The following CDIN1 variants were observed in gnomAD, a reference collection of about 807,000 sequenced individuals.
CDIN1 encodes the protein CDAN1 interacting nuclease 1.
CDIN1 carries 33 observed loss-of-function variants against 45.3 expected under a neutral mutation model. The observed-to-expected ratio is 0.73, with a 90% CI of 0.55 to 0.97. The LOEUF (loss-of-function observed/expected upper bound fraction) is 0.97, where lower values mean the gene tolerates loss of function less well. CDIN1 is among the 50% of genes least tolerant of loss of function. The pLI, the probability that CDIN1 is intolerant of heterozygous loss-of-function variation, is 0.00. For synonymous variants in CDIN1, 118 were observed against 124.4 expected (o/e 0.95, Z 0.34); for missense variants, 303 against 339.4 (o/e 0.89, Z 0.84).
rs752594562 is a variant in CDIN1 at position 36,579,828 on chromosome 15, T to G, written c.-33T>G. The G allele has an allele frequency of 1.3e-5, 20 of 1,582,050 alleles. No individual in the cohort carries two copies. The African/African-American group carries it at 2.6e-4, about 20-fold the overall frequency. ...ACTTGAGCCCCAGGGTGTTTTTTCC[T>G]TGTTCCCGCCACCTCCTGGTCCCTG... On this transcript the variant is annotated 5_prime_UTR_variant, in exon 1 of 11. Coordinates refer to ENST00000566621, the MANE Select transcript of CDIN1 (RefSeq NM_001321759.2).
At chr15:36,750,816 A>G (rs1270181293) in intron 10 of CDIN1, among the ~76,000 whole-genome samples, 1 of 152,210 alleles carries the variant, frequency 6.6e-6, no homozygotes, top group South Asian at 2.1e-4. Context: ...TTATAACTCA[A>G]CTGCTGAAAA....
intron 5 of CDIN1, among the ~76,000 whole-genome samples, chr15:36,683,988 G>T (rs2041950799): frequency 7.0e-6 from 1 of 143,490 alleles, no homozygotes; most frequent in Admixed American, 7.3e-5. Context: ...AGACAATGGA[G>T]TTTTCTAGAT....
rs35140623 is a variant in CDIN1 at position 36,608,976 on chromosome 15, TATAGATAGATAGATAGATAG to T, written c.101+29039_101+29058del. ...CTGTGTGTGTGTATGTATGTGTGTA[TATAGATAGATAGATAGATAG>T]ATAGATAGATAGATAGATAGATAAT... On this transcript the variant is annotated intron_variant, in intron 1 of 10. Transcript: ENST00000566621. Among the ~76,000 whole-genome samples, 34 of 149,440 alleles carry T rather than the reference TATAGATAGATAGATAGATAG, an allele frequency of 2.3e-4. No individual in the cohort carries two copies. The East Asian group carries it at 6.5e-3, about 29-fold the overall frequency.
intron 5 of CDIN1, among the ~76,000 whole-genome samples, chr15:36,675,382 T>C (rs545988321): frequency 6.6e-6 from 1 of 152,260 alleles, no homozygotes; most frequent in African/African-American, 2.4e-5. Context: ...GCAAATCATC[T>C]GTTTTCTATG....
At chr15:36,651,339 G>T (rs1403537102) in intron 3 of CDIN1, among the ~76,000 whole-genome samples, 1 of 152,174 alleles carries the variant, frequency 6.6e-6, no homozygotes, top group Non-Finnish European at 1.5e-5. Flanking sequence ...TGTGAAAAGT[G>T]CAATGCTATA....
At chr15:36,752,005 C>T (rs1029326409) in intron 10 of CDIN1, among the ~76,000 whole-genome samples, 1 of 151,996 alleles carries the variant, frequency 6.6e-6, no homozygotes, top group African/African-American at 2.4e-5. Flanking sequence ...GTTGGGGGTG[C>T]AGGGGAGGGA....
chr15:36,604,627 CAGAAG>C (rs1317258300), intron 1 of CDIN1, among the ~76,000 whole-genome samples: 2 of 152,014 alleles, frequency 1.3e-5, no homozygotes, highest in Admixed American at 6.6e-5. Flanking sequence ...TTAGTACACT[CAGAAG>C]AAAGTATACC....
intron 1 of CDIN1, among the ~76,000 whole-genome samples, chr15:36,587,969 C>T (rs1316851641): frequency 6.7e-6 from 1 of 148,680 alleles, no homozygotes. Context: ...TAGAGCTCTC[C>T]GTAAGTTTTT....
At chr15:36,632,089 C>T (rs1309182472) in intron 1 of CDIN1, among the ~76,000 whole-genome samples, 2 of 152,216 alleles carry the variant, frequency 1.3e-5, no homozygotes, top group Non-Finnish European at 2.9e-5. Context: ...CCTGCCTCAG[C>T]CTCCCAGAAT....
At chr15:36,784,374 G>A (rs774746675) in intron 10 of CDIN1, among the ~76,000 whole-genome samples, 3 of 152,154 alleles carry the variant, frequency 2.0e-5, no homozygotes, top group Non-Finnish European at 4.4e-5. Context: ...TATTCCTAGG[G>A]AGAAAAAGGA....
At chr15:36,620,880 TAC>T (rs2039156928) in intron 1 of CDIN1, among the ~76,000 whole-genome samples, 1 of 152,216 alleles carries the variant, frequency 6.6e-6, no homozygotes, top group Non-Finnish European at 1.5e-5. Flanking sequence ...ACCCAAAAAA[TAC>T]AGTTTGGAAT....
intron 10 of CDIN1, among the ~76,000 whole-genome samples, chr15:36,752,026 A>G (rs915061679): frequency 6.6e-6 from 1 of 152,172 alleles, no homozygotes; most frequent in African/African-American, 2.4e-5. Context: ...GAGCATCAGG[A>G]AGAATAGCTA....
chr15:36,776,426 A>G (rs551334749), intron 10 of CDIN1, among the ~76,000 whole-genome samples: 1 of 151,950 alleles, frequency 6.6e-6, no homozygotes, highest in East Asian at 1.9e-4. Context: ...TCAGGTGGAG[A>G]GAACACTCCC....
intron 5 of CDIN1, among the ~76,000 whole-genome samples, chr15:36,671,754 A>G (rs1198014799): frequency 1.3e-5 from 2 of 152,066 alleles, no homozygotes; most frequent in Admixed American, 6.6e-5. Flanking sequence ...GTTAATGTTG[A>G]TGTTTTTTAG....
chr15:36,808,788 GA>G lies in CDIN1; in HGVS notation c.*338del. 1 of 461,900 alleles carries G rather than the reference GA, an allele frequency of 2.2e-6. No individual in the cohort carries two copies. 28.6% of individuals were successfully genotyped at this position (461,900 alleles called of 1,614,324 possible). On this transcript the variant is annotated 3_prime_UTR_variant, in exon 11 of 11. Coordinates refer to ENST00000566621, the MANE Select transcript of CDIN1 (RefSeq NM_001321759.2). The stretch of plus-strand genomic sequence containing the variant: ...GAACAAAAGAAAAAATGTGAAGACT[GA>G]AAGGTGTGATTTTTCAATTCTCCTC...
At chr15:36,685,717 AAAAC>A (rs1176398867) in intron 5 of CDIN1, among the ~76,000 whole-genome samples, 1 of 152,170 alleles carries the variant, frequency 6.6e-6, no homozygotes, top group South Asian at 2.1e-4. Context: ...TTACAAGAAA[AAAAC>A]AAACAACCCC....
At chr15:36,798,378 A>C (rs2141115995) in intron 10 of CDIN1, among the ~76,000 whole-genome samples, 1 of 152,308 alleles carries the variant, frequency 6.6e-6, no homozygotes, top group Middle Eastern at 3.4e-3. Context: ...TGAATCTGCA[A>C]AATTGGGATG....
At chr15:36,796,653 C>T (rs570141010) in intron 10 of CDIN1, among the ~76,000 whole-genome samples, 74 of 152,198 alleles carry the variant, frequency 4.9e-4, no homozygotes, top group Non-Finnish European at 9.1e-4. Context: ...GATGTTCATA[C>T]ATCGGGGCTT....
Position 36,709,244 on chromosome 15 carries a change from AG to A in CDIN1, c.569del (p.Gly190ValfsTer16), listed in dbSNP as rs768680542. The A allele has an allele frequency of 6.2e-7, 1 of 1,602,760 alleles. No homozygotes were observed. The highest frequency in any genetic ancestry group is 1.1e-5 in the South Asian group (1 of 88,678). On this transcript the variant is annotated frameshift_variant, in exon 9 of 11. Transcript: ENST00000566621. LOFTEE classifies it high-confidence loss of function. ...SFLDEDQLRA[K>X]GYDKTPDFIL... The stretch of plus-strand genomic sequence containing the variant: ...GTAGATGAAGATCAGCTTCGTGCAA[AG>A]GGTTATGACAAAACACCAGACTTCA...
Sources: allele counts gnomAD v4.1 joint callset (sites outside exome capture counted in the v4.1 genomes callset), GRCh38; gene constraint gnomAD v4.1.1; transcripts MANE v1.5; gene names NCBI Gene and HGNC (gene_info 2026-07-23, HGNC 2026-07-21).